Variants in ARID1B observed in about 807,000 individuals in gnomAD.
ARID1B encodes the protein AT-rich interaction domain 1B, also known as AT-rich interactive domain-containing protein 1B.
A neutral mutation model predicts 212.3 loss-of-function variants in ARID1B; 30 were observed. The observed-to-expected ratio is 0.14, with a 90% confidence interval of 0.11 to 0.19. The LOEUF (loss-of-function observed/expected upper bound fraction) is 0.19. ARID1B is among the 10% of genes least tolerant of loss of function. The probability of loss-of-function intolerance (pLI) is 1.00; values close to 1 mark genes in which losing one functional copy is unlikely to be tolerated. For synonymous variants in ARID1B, 1,402 were observed against 1,301.7 expected (o/e 1.08, Z -1.66); for missense variants, 2,891 against 3,204.0 (o/e 0.90, Z 2.36).
chr6:156,779,314 C>A lies in ARID1B; in HGVS notation c.1634C>A (p.Ala545Glu). 8.8e-7 allele frequency: 1 copy of A among 1,138,042 alleles called. No individual in the cohort carries two copies. The highest frequency in any genetic ancestry group is 1.1e-6 in the Non-Finnish European group (1 of 929,650). 70.5% of individuals were successfully genotyped at this position (1,138,042 alleles called of 1,614,324 possible). ...CAGTCCCAGGCGGCGGCGGCGGGGG[C>A]GGCGGCGGGCGGCCAGCAGGCGGCC... ...QPQSQAAAAG[A>E]AAGGQQAAAG... Residue 545 changes from alanine (A) to glutamate (E), a missense_variant, in exon 1 of 20, where the codon GCG becomes GAG. Coordinates refer to ENST00000636930, the MANE Select transcript of ARID1B (RefSeq NM_001374828.1).
At chr6:157,030,902 C>T (rs145244115) in intron 4 of ARID1B, among the ~76,000 whole-genome samples, 4 of 152,236 alleles carry the variant, frequency 2.6e-5, no homozygotes, top group African/African-American at 7.2e-5. Flanking sequence ...CTCAGCAGCA[C>T]GAGGCTACCG....
intron 4 of ARID1B, among the ~76,000 whole-genome samples, chr6:156,987,243 G>A (rs1275023543): frequency 6.6e-6 from 1 of 151,766 alleles, no homozygotes; most frequent in Admixed American, 6.6e-5. Context: ...ATATAAGATG[G>A]GGTCACCTGT....
intron 4 of ARID1B, among the ~76,000 whole-genome samples, chr6:156,979,102 G>A (rs187199998): frequency 1.7e-4 from 26 of 152,198 alleles, no homozygotes; most frequent in African/African-American, 6.0e-4. Context: ...TTTCCAGATT[G>A]TGATTTAAGA....
intron 4 of ARID1B, among the ~76,000 whole-genome samples, chr6:157,032,241 A>G (rs1440148247): frequency 6.6e-6 from 1 of 152,248 alleles, no homozygotes; most frequent in African/African-American, 2.4e-5. Context: ...ACATTAACAC[A>G]GTTATGAGCA....
intron 3 of ARID1B, among the ~76,000 whole-genome samples, chr6:156,918,581 C>CT (rs1260050683): frequency 6.6e-6 from 1 of 152,136 alleles, no homozygotes; most frequent in South Asian, 2.1e-4. Flanking sequence ...GAATCTTTTT[C>CT]TTTCTTCTTG....
intron 8 of ARID1B, chr6:157,149,472 G>A (rs1229420894): frequency 2.0e-5 from 3 of 152,504 alleles, no homozygotes; most frequent in Non-Finnish European, 4.4e-5. Flanking sequence ...ACATTCTTAT[G>A]TTATATTTTA....
chr6:156,819,474 T>A (rs373910819), intron 1 of ARID1B, among the ~76,000 whole-genome samples: 2 of 152,114 alleles, frequency 1.3e-5, no homozygotes, highest in African/African-American at 4.8e-5. Context: ...AATTGAAAAG[T>A]GTAGCTTAGT....
rs1035584548 is a variant in ARID1B at position 156,830,402 on chromosome 6, C to T, written c.1986+981C>T. ...TGCTTCCATCTGACCAGACATCTTT[C>T]GTTGAGGGGCAAAAATTAGATATGA... On this transcript the variant is annotated intron_variant, in intron 2 of 19. Transcript: ENST00000636930. Among the ~76,000 whole-genome samples the T allele has an allele frequency of 1.1e-4, 16 of 152,178 alleles. No homozygotes were observed. In the South Asian group the frequency reaches 1.5e-3, roughly 14 times the overall value.
At chr6:156,948,098 C>CT (rs1206220123) in intron 4 of ARID1B, among the ~76,000 whole-genome samples, 1 of 152,176 alleles carries the variant, frequency 6.6e-6, no homozygotes, top group East Asian at 1.9e-4. Context: ...AAAACAGTCT[C>CT]TCCTTTTAAA....
chr6:156,995,699 G>A (rs1778544559), intron 4 of ARID1B, among the ~76,000 whole-genome samples: 1 of 152,198 alleles, frequency 6.6e-6, no homozygotes, highest in Non-Finnish European at 1.5e-5. Context: ...CGTCAGTGCT[G>A]TACCAGCTGC....
intron 2 of ARID1B, among the ~76,000 whole-genome samples, chr6:156,865,675 T>C (rs1274659607): frequency 6.6e-6 from 1 of 152,164 alleles, no homozygotes; most frequent in Non-Finnish European, 1.5e-5. Flanking sequence ...CTTTTAACTT[T>C]ATCTCTTCTT....
chr6:157,196,032 C>A, intron 15 of ARID1B, 133 bp from the exon 16 acceptor site: 1 of 1,156,928 alleles, frequency 8.6e-7, no homozygotes, highest in African/African-American at 1.6e-5. Flanking sequence ...CTGCATTAGC[C>A]TGGGCGACAG....
chr6:156,893,045 C>CTTTTCTTTTTTTTTTTTTTTTTT (rs1554263985), intron 2 of ARID1B, among the ~76,000 whole-genome samples: 1 of 85,922 alleles, frequency 1.2e-5, no homozygotes, highest in African/African-American at 4.7e-5. Context: ...TTTTTTCTTC[C>CTTTTCTTTTTTTTTTTTTTTTTT]TTTTTTTTTT....
chr6:156,866,675 G>C (rs375610175), intron 2 of ARID1B, among the ~76,000 whole-genome samples: 1 of 152,086 alleles, frequency 6.6e-6, no homozygotes, highest in Admixed American at 6.5e-5. Flanking sequence ...GTTTGGTTTC[G>C]TTTACATTTG....
intron 4 of ARID1B, among the ~76,000 whole-genome samples, chr6:156,958,707 G>A (rs1794141713): frequency 6.6e-6 from 1 of 152,024 alleles, no homozygotes; most frequent in Admixed American, 6.6e-5. Flanking sequence ...CCTCTTTTGT[G>A]AAATAATCGT....
intron 5 of ARID1B, among the ~76,000 whole-genome samples, chr6:157,095,279 G>C (rs1785536689): frequency 6.6e-6 from 1 of 152,208 alleles, no homozygotes; most frequent in African/African-American, 2.4e-5. Flanking sequence ...ACATGCCTGG[G>C]AAAGGACCGG....
chr6:156,779,379 G>C lies in ARID1B; in HGVS notation c.1699G>C (p.Ala567Pro), dbSNP rs769813347. 1.4e-6 allele frequency: 2 copies of C among 1,382,302 alleles called. No individual in the cohort carries two copies. Among genetic ancestry groups the C allele is most frequent in the East Asian group, 3.2e-5 (1 of 31,082 alleles). 85.6% of individuals were successfully genotyped at this position (1,382,302 alleles called of 1,614,324 possible). Residue 567 changes from alanine (A) to proline (P), a missense_variant, in exon 1 of 20, where the codon GCC (alanine) becomes CCC (proline). Ala to Pro is a conservative substitution (Grantham distance 27, BLOSUM62 -1). Around this residue, in one of 7 missense-constraint regions of ARID1B, gnomAD observed 1,643 missense variants for 1,544.0 expected, o/e 1.06. Coordinates refer to ENST00000636930, the MANE Select transcript of ARID1B (RefSeq NM_001374828.1). ...GLGKDMGAQY[A>P]AASPAWAAAQ... The stretch of plus-strand genomic sequence containing the variant: ...GGGCAAGGACATGGGCGCCCAGTAC[G>C]CCGCTGCCAGCCCGGCCTGGGCGGC...
rs772351256 is a variant in ARID1B at position 157,207,822 on chromosome 6, A to G, written c.7050A>G (p.Ile2350Met). ...AGGGCCGGTTGCTGGATATCTCGAT[A>G]TCAGCTGTCCTGAACTCTCTGGTTG... ...LHEGRLLDIS[I>M]SAVLNSLVAS... Residue 2350 changes from isoleucine to methionine, a missense_variant, in exon 20 of 20, where the codon ATA becomes ATG. Around this residue, in one of 7 missense-constraint regions of ARID1B, gnomAD observed 187 missense variants for 306.5 expected, o/e 0.61. Coordinates refer to ENST00000636930, the MANE Select transcript of ARID1B (RefSeq NM_001374828.1). The surrounding 1 kb of genome is among the most constrained non-coding windows in gnomAD (Gnocchi z 8.5). 4 of 1,539,472 alleles carry G rather than the reference A, an allele frequency of 2.6e-6. No individual in the cohort carries two copies. Among genetic ancestry groups the G allele is most frequent in the East Asian group, 2.3e-5 (1 of 44,082 alleles).
intron 1 of ARID1B, among the ~76,000 whole-genome samples, chr6:156,787,050 T>C: frequency 6.6e-6 from 1 of 151,922 alleles, no homozygotes; most frequent in East Asian, 1.9e-4. Context: ...ATCTAGTGAC[T>C]CTTTTCCATT....
Sources: allele counts gnomAD v4.1 joint callset (sites outside exome capture counted in the v4.1 genomes callset), GRCh38; gene constraint gnomAD v4.1.1; regional missense constraint gnomAD v4.1.1; non-coding constraint Gnocchi (gnomAD v3.1); transcripts MANE v1.5; gene names NCBI Gene and HGNC (gene_info 2026-07-23, HGNC 2026-07-21).